GPHN: variants seen among roughly 807,000 people sequenced by gnomAD.
The protein encoded by GPHN is gephyrin.
In GPHN, 17 loss-of-function variants were observed where a neutral mutation model predicts 95.5. The observed-to-expected ratio is 0.18, with a 90% confidence interval of 0.12 to 0.27. The LOEUF (loss-of-function observed/expected upper bound fraction) is 0.27. Among genes scored for constraint, GPHN ranks in the 10% least tolerant of loss-of-function variants. The pLI is 1.00. For missense variants in GPHN, 660 were observed against 978.1 expected (o/e 0.67, Z 4.34); for synonymous variants, 320 against 322.5 (o/e 0.99, Z 0.08).
intron 2 of GPHN, among the ~76,000 whole-genome samples, chr14:66,767,698 G>T (rs1396875205): frequency 6.6e-6 from 1 of 151,944 alleles, no homozygotes; most frequent in Non-Finnish European, 1.5e-5. Flanking sequence ...GTAGATGTGT[G>T]AGCCAGCTAC....
chr14:66,963,283 T>C (rs1306500473), intron 8 of GPHN, among the ~76,000 whole-genome samples: 1 of 152,004 alleles, frequency 6.6e-6, no homozygotes, highest in Admixed American at 6.6e-5. Flanking sequence ...GATTTTTAAT[T>C]TACATTGAGG....
the GPHN span, among the ~76,000 whole-genome samples, chr14:67,215,774 G>C: frequency 3.9e-5 from 6 of 152,024 alleles, no homozygotes; most frequent in African/African-American, 1.4e-4. Context: ...GATCAGGTCT[G>C]GTCACTCTGA....
At chr14:67,574,203 C>T in the GPHN span, 3 of 1,531,936 alleles carry the variant, frequency 2.0e-6, no homozygotes, top group South Asian at 3.9e-5. The surrounding 1 kb of genome is among the most constrained non-coding windows in gnomAD (Gnocchi z 4.2). Flanking sequence ...CTCCATTCTC[C>T]CAGCGTGCTG....
intron 13 of GPHN, among the ~76,000 whole-genome samples, chr14:67,106,649 T>C (rs2153683013): frequency 6.6e-6 from 1 of 152,318 alleles, no homozygotes; most frequent in African/African-American, 2.4e-5. Flanking sequence ...GTAGGATTTC[T>C]GTTTGGTTCT....
At chr14:67,726,011 T>C in the GPHN span, 1 of 1,373,078 alleles carries the variant, frequency 7.3e-7, no homozygotes, top group Admixed American at 1.7e-5. Flanking sequence ...GCTAGGGGAC[T>C]CCTTGCTAAC....
chr14:67,087,403 A>G (rs17103913), intron 11 of GPHN, among the ~76,000 whole-genome samples: 5,910 of 152,164 alleles, frequency 0.039, 266 homozygotes, highest in African/African-American at 0.11. Flanking sequence ...GCTAGGGACT[A>G]TATAGCTTCA....
At chr14:66,919,125 T>C (rs111689581) in intron 6 of GPHN, among the ~76,000 whole-genome samples, 2,300 of 152,344 alleles carry the variant, frequency 0.015, 33 homozygotes, top group Non-Finnish European at 0.018. Flanking sequence ...GCTTATTTTA[T>C]ATTTTGCTTG....
the GPHN span, among the ~76,000 whole-genome samples, chr14:67,465,049 C>T: frequency 5.3e-5 from 8 of 152,208 alleles, no homozygotes; most frequent in African/African-American, 9.7e-5. Context: ...ACAGGCCTAG[C>T]GCAGGGAGGT....
chr14:67,252,962 CAA>C, the GPHN span, among the ~76,000 whole-genome samples: 1 of 152,180 alleles, frequency 6.6e-6, no homozygotes, highest in South Asian at 2.1e-4. Context: ...GCTTTTTCTA[CAA>C]AGACATAACC....
rs367558641 is a variant in GPHN, at chr14:66,508,639, T to A, written c.64+48T>A. ...GACCTATGAGGCTGCTGTCCCTGCA[T>A]TGCCTTAGGCTTTTCGCCTGTGGTG... On this transcript the variant is annotated intron_variant, in intron 1 of 22. Coordinates refer to ENST00000478722, the MANE Select transcript of GPHN (RefSeq NM_020806.5). The A allele has an allele frequency of 6.0e-6, 9 of 1,496,308 alleles. No homozygotes were observed. The Admixed American group carries it at 1.3e-4, about 22-fold the overall frequency. The allele number at this position is 1,496,308 out of a possible 1,614,324, so 92.7% of individuals were successfully genotyped here. A position where few individuals can be genotyped will look rare whatever the true frequency, so the allele number is the denominator to read the frequency against.
chr14:67,056,941 C>G (rs975612753), intron 10 of GPHN, among the ~76,000 whole-genome samples: 1 of 152,218 alleles, frequency 6.6e-6, no homozygotes, highest in Non-Finnish European at 1.5e-5. Flanking sequence ...AGCACACCCT[C>G]CGCAGCTGCT....
chr14:67,258,296 A>G, the GPHN span, among the ~76,000 whole-genome samples: 1 of 152,082 alleles, frequency 6.6e-6, no homozygotes, highest in Non-Finnish European at 1.5e-5. Context: ...GCACTTTGGG[A>G]TCCCAAGGCA....
At chr14:67,726,008 G>A in the GPHN span, 2 of 1,319,142 alleles carry the variant, frequency 1.5e-6, no homozygotes, top group East Asian at 4.6e-5. Flanking sequence ...GCAGCTAGGG[G>A]ACTCCTTGCT....
chr14:67,246,649 GTTT>G, the GPHN span, among the ~76,000 whole-genome samples: 15 of 112,206 alleles, frequency 1.3e-4, no homozygotes, highest in Non-Finnish European at 2.1e-4. Flanking sequence ...CCTACTATAG[GTTT>G]TTTTTTTTTT....
Position 67,168,838 on chromosome 14 carries a change from CCGT to C in GPHN, c.1976-93_1976-91del. ...GAGGAAAAATAGTGCCTAGTCACTTCCGTCACATTCTGATACCCAAAGATATAG... is the reference window on the plus strand; with the variant it reads ...GAGGAAAAATAGTGCCTAGTCACTTCCACATTCTGATACCCAAAGATATAG... On this transcript the variant is annotated intron_variant, in intron 20 of 22. Transcript: ENST00000478722. 4.7e-6 allele frequency: 4 copies of C among 854,030 alleles called. No individual in the cohort carries two copies. In the South Asian group the frequency reaches 5.4e-5, roughly 12 times the overall value. The allele number at this position is 854,030 out of a possible 1,614,324, so 52.9% of individuals were successfully genotyped here.
At chr14:66,662,623 A>G (rs963535534) in intron 1 of GPHN, among the ~76,000 whole-genome samples, 4 of 152,230 alleles carry the variant, frequency 2.6e-5, no homozygotes, top group Non-Finnish European at 5.9e-5. Flanking sequence ...GCAGAGGCTG[A>G]GATGGCCGAA....
the GPHN span, among the ~76,000 whole-genome samples, chr14:67,687,469 T>C: frequency 8.9e-3 from 37 of 4,142 alleles, no homozygotes; most frequent in Non-Finnish European, 0.026. Context: ...CCATATTCCT[T>C]TTTTTTTTTT....
At chr14:67,274,080 C>T in the GPHN span, among the ~76,000 whole-genome samples, 10 of 152,142 alleles carry the variant, frequency 6.6e-5, no homozygotes, top group Non-Finnish European at 1.0e-4. Context: ...GTTGCCTGTT[C>T]ACTCTGATGG....
In GPHN at chr14:67,023,620, G is replaced by C; in HGVS notation, c.964-13G>C. 1 of 1,611,160 alleles carries C rather than the reference G, an allele frequency of 6.2e-7. No homozygotes were observed. The highest frequency in any genetic ancestry group is 8.5e-7 in the Non-Finnish European group (1 of 1,177,450). On this transcript the variant is annotated splice_polypyrimidine_tract_variant and intron_variant, in intron 9 of 22. Transcript: ENST00000478722. ...ATAAACCCTAAATTACTGAGTTTAT[G>C]CTCTTTCTACAGGTCCAGTCCAGGT...
Sources: gnomAD v4.1 joint callset for allele counts (sites outside exome capture counted in the v4.1 genomes callset) on GRCh38, gnomAD v4.1.1 for gene constraint, Gnocchi (gnomAD v3.1) non-coding constraint, MANE v1.5 for transcripts, NCBI Gene and HGNC (gene_info 2026-07-23, HGNC 2026-07-21) for gene names.